Variants in TCERG1L observed in about 807,000 individuals in gnomAD.
The protein encoded by TCERG1L is transcription elongation regulator 1-like protein.
Under a neutral mutation model 56.3 loss-of-function variants are expected in TCERG1L, and 37 were observed. The ratio of observed to expected loss-of-function variants is 0.66; its 90% CI spans 0.51 to 0.87. The LOEUF is 0.87. Among genes scored for constraint, TCERG1L ranks in the 40% least tolerant of loss-of-function variants. TCERG1L has a pLI of 0.00. For synonymous variants in TCERG1L, 324 were observed against 326.3 expected (o/e 0.99, Z 0.08); for missense variants, 799 against 774.2 (o/e 1.03, Z -0.38).
intron 3 of TCERG1L, among the ~76,000 whole-genome samples, chr10:131,288,883 C>G (rs77657820): frequency 0.021 from 3,153 of 152,260 alleles, 79 homozygotes; most frequent in East Asian, 0.087. Context: ...GAGCGGGAGC[C>G]AACCTGGGAC....
In TCERG1L at chr10:131,248,394, G is replaced by A. The variant is rs538555597; in HGVS notation, c.856+11865C>T. On this transcript the variant is annotated intron_variant, in intron 4 of 11. Transcript: ENST00000368642. ...TCTCCATGTCCCTAGCACTGAGGCCGTATTAATTATGACCTTGAGAGAGGT... is the reference window on the plus strand; with the variant it reads ...TCTCCATGTCCCTAGCACTGAGGCCATATTAATTATGACCTTGAGAGAGGT... Among the ~76,000 whole-genome samples the A allele has an allele frequency of 2.6e-5, 4 of 152,270 alleles. No homozygotes were observed. The South Asian group carries it at 6.2e-4, about 24-fold the overall frequency.
rs771013217 is a variant in TCERG1L at position 131,259,176 on chromosome 10, A to C, written c.856+1083T>G. On this transcript the variant is annotated intron_variant, in intron 4 of 11. Transcript: ENST00000368642. Reference sequence around the variant, plus strand: ...AAAAGACCACATTAGATTTACTAGCAACAAAGTCAACAAACTGCAAACACT... The same window carrying C: ...AAAAGACCACATTAGATTTACTAGCCACAAAGTCAACAAACTGCAAACACT... 3.5e-4 allele frequency among the ~76,000 whole-genome samples: 54 copies of C among 152,228 alleles called. 1 individual carries two copies. Among genetic ancestry groups the C allele is most frequent in the Non-Finnish European group, 7.3e-4 (50 of 68,042 alleles).
intron 3 of TCERG1L, among the ~76,000 whole-genome samples, chr10:131,291,045 G>A (rs1048730848): frequency 6.6e-6 from 1 of 152,166 alleles, no homozygotes. Context: ...TGATATCTGT[G>A]CTAATTTAAG....
chr10:131,304,929 G>A (rs893043164), intron 3 of TCERG1L, among the ~76,000 whole-genome samples: 1 of 152,036 alleles, frequency 6.6e-6, no homozygotes, highest in Admixed American at 6.5e-5. Flanking sequence ...AGGCCCCAGA[G>A]CCCATCCCTG....
chr10:131,300,668 T>C (rs1029008498), intron 3 of TCERG1L, among the ~76,000 whole-genome samples: 3 of 152,238 alleles, frequency 2.0e-5, no homozygotes, highest in Non-Finnish European at 4.4e-5. Flanking sequence ...ATCATAGAAC[T>C]ATCTGATAAT....
intron 3 of TCERG1L, among the ~76,000 whole-genome samples, chr10:131,292,595 T>C (rs1202343684): frequency 6.6e-5 from 10 of 152,234 alleles, no homozygotes; most frequent in Non-Finnish European, 1.5e-4. Flanking sequence ...ACAAGCTTTC[T>C]ATCTTGAGAA....
intron 4 of TCERG1L, among the ~76,000 whole-genome samples, chr10:131,203,253 C>T (rs977585704): frequency 2.8e-5 from 4 of 145,184 alleles, no homozygotes; most frequent in African/African-American, 7.7e-5. Context: ...GATGACCTCA[C>T]TTAAGACTTC....
chr10:131,285,572 GAAAGAAAGA>G (rs1846530030), intron 3 of TCERG1L, among the ~76,000 whole-genome samples: 1 of 147,410 alleles, frequency 6.8e-6, no homozygotes, highest in Non-Finnish European at 1.5e-5. Flanking sequence ...GAAAAAGAAA[GAAAGAAAGA>G]AAAAAAATGA....
chr10:131,234,710 G>T (rs1845895036), intron 4 of TCERG1L, among the ~76,000 whole-genome samples: 1 of 149,206 alleles, frequency 6.7e-6, no homozygotes, highest in Non-Finnish European at 1.5e-5. Flanking sequence ...TTGTTTTGTT[G>T]TGTTTTTTTG....
At chr10:131,157,662 C>A (rs1393414103) in intron 6 of TCERG1L, among the ~76,000 whole-genome samples, 1 of 151,966 alleles carries the variant, frequency 6.6e-6, no homozygotes, top group African/African-American at 2.4e-5. Flanking sequence ...TGTTAACATG[C>A]CTAAAAGTTT....
chr10:131,245,011 C>A (rs1420354619), intron 4 of TCERG1L, among the ~76,000 whole-genome samples: 1 of 152,118 alleles, frequency 6.6e-6, no homozygotes, highest in Admixed American at 6.5e-5. Flanking sequence ...GTGTGCTGGG[C>A]ACAGGGGAGT....
Position 131,163,148 on chromosome 10 carries a change from G to T in TCERG1L, c.1008C>A (p.Ala336=). ...AGGGGGATCCGGGCACCGGGGTGGA[G>T]GCCACTGGCCTGTTGCCTCTGGCTG... The part of the protein sequence containing the change: ...DSTARGNRPV[A]STPVPGSPWC... Residue 336 remains alanine, a synonymous_variant, in exon 6 of 12, where the codon GCC becomes GCA. Transcript: ENST00000368642. The T allele has an allele frequency of 6.3e-7, 1 of 1,579,524 alleles. No homozygotes were observed. The highest frequency in any genetic ancestry group is 1.8e-5 in the Admixed American group (1 of 54,896).
intron 3 of TCERG1L, among the ~76,000 whole-genome samples, chr10:131,270,296 G>A (rs1200090948): frequency 6.6e-6 from 1 of 152,198 alleles, no homozygotes; most frequent in Non-Finnish European, 1.5e-5. Context: ...TCCCCTCGGA[G>A]ACGCCTCCTG....
At chr10:131,119,687 T>C (rs1214791118) in intron 8 of TCERG1L, among the ~76,000 whole-genome samples, 1 of 152,246 alleles carries the variant, frequency 6.6e-6, no homozygotes, top group African/African-American at 2.4e-5. Flanking sequence ...TAGCTAAATA[T>C]ATTTTTGATA....
In TCERG1L at chr10:131,098,394, T is replaced by C; in HGVS notation, c.1516A>G (p.Lys506Glu). ...CTTTTCTTTTCCTTGTATTCTTCTT[T>C]TATTCTTGTCTTGACAAACTGTTCA... ...IFEQFVKTRI[K>E]EEYKEKKSKL... Residue 506 changes from lysine (K) to glutamate (E), a missense_variant, in exon 11 of 12, where the codon AAA becomes GAA. Coordinates refer to ENST00000368642, the MANE Select transcript of TCERG1L (RefSeq NM_174937.4). 1 of 1,550,010 alleles carries C rather than the reference T, an allele frequency of 6.5e-7. No individual in the cohort carries two copies. Among genetic ancestry groups the C allele is most frequent in the South Asian group, 1.2e-5 (1 of 83,904 alleles).
At chr10:131,115,529 C>T (rs539643207) in intron 9 of TCERG1L, among the ~76,000 whole-genome samples, 2 of 152,402 alleles carry the variant, frequency 1.3e-5, no homozygotes, top group Admixed American at 6.5e-5. Context: ...GCGTCCACGT[C>T]GCGCTCTGTG....
chr10:131,157,100 C>T (rs1007999878), intron 6 of TCERG1L, among the ~76,000 whole-genome samples: 4 of 152,126 alleles, frequency 2.6e-5, no homozygotes, highest in South Asian at 4.1e-4. Flanking sequence ...TTTGATAATC[C>T]GCCCCACACT....
At chr10:131,289,773 G>GGT (rs570151519) in intron 3 of TCERG1L, among the ~76,000 whole-genome samples, 58 of 27,726 alleles carry the variant, frequency 2.1e-3, no homozygotes, top group South Asian at 4.4e-3. Flanking sequence ...ATCTCCTATC[G>GGT]GTGTGAGTGT....
chr10:131,218,849 T>C (rs1272810227), intron 4 of TCERG1L, among the ~76,000 whole-genome samples: 1 of 152,192 alleles, frequency 6.6e-6, no homozygotes, highest in East Asian at 1.9e-4. Context: ...GCCGTGGTCA[T>C]GTGGCCTCTG....
Sources: gnomAD v4.1 joint callset for allele counts (sites outside exome capture counted in the v4.1 genomes callset) on GRCh38, gnomAD v4.1.1 for gene constraint, MANE v1.5 for transcripts, NCBI Gene and HGNC (gene_info 2026-07-23, HGNC 2026-07-21) for gene names.